Variants in PFKP observed in about 807,000 individuals in gnomAD.
The protein encoded by PFKP is phosphofructokinase, platelet.
In PFKP, 101 loss-of-function variants were observed where a neutral mutation model predicts 94.3. The observed-to-expected ratio is 1.07, with a 90% CI of 0.91 to 1.26. The LOEUF (loss-of-function observed/expected upper bound fraction) is 1.26, where lower values mean the gene tolerates loss of function less well. Among genes scored for constraint, PFKP ranks in the 50% most tolerant of loss-of-function variants. The pLI is 0.00. For synonymous variants in PFKP, 573 were observed against 432.6 expected (o/e 1.32, Z -4.03); for missense variants, 1,145 against 1,103.3 (o/e 1.04, Z -0.53).
chr10:3,110,983 C>T (rs186518635), intron 10 of PFKP, among the ~76,000 whole-genome samples: 5 of 149,406 alleles, frequency 3.3e-5, no homozygotes, highest in African/African-American at 9.9e-5. Context: ...TGTGTATATG[C>T]ATGTGTACAT....
At chr10:3,080,516 CAAAAAAAAA>C (rs869281524) in intron 1 of PFKP, among the ~76,000 whole-genome samples, 3 of 68,682 alleles carry the variant, frequency 4.4e-5, no homozygotes, top group East Asian at 8.9e-4. Flanking sequence ...GACTCCGTCT[CAAAAAAAAA>C]AAAAAAAAAA....
chr10:3,098,690 A>AAAAAAAAAAAT (rs1834705971), intron 2 of PFKP, among the ~76,000 whole-genome samples: 1 of 142,146 alleles, frequency 7.0e-6, no homozygotes. Flanking sequence ...AAAAAAAAAA[A>AAAAAAAAAAAT]GGTAATTGTC....
At chr10:3,070,680 C>T (rs1297314175) in intron 1 of PFKP, among the ~76,000 whole-genome samples, 1 of 152,156 alleles carries the variant, frequency 6.6e-6, no homozygotes, top group Non-Finnish European at 1.5e-5. Flanking sequence ...GCATGAGGTG[C>T]ATACGTGATT....
intron 2 of PFKP, among the ~76,000 whole-genome samples, chr10:3,087,520 A>G (rs1833696805): frequency 6.6e-6 from 1 of 152,220 alleles, no homozygotes; most frequent in South Asian, 2.1e-4. Flanking sequence ...AGATGTGGCC[A>G]AAATAAATCC....
rs865836104 is a variant in PFKP, at chr10:3,131,516, G to C, written c.1849-864G>C. On this transcript the variant is annotated intron_variant, in intron 17 of 21. Transcript: ENST00000381125. ...CTGTCACCCAGGCTGGAGTGTAGTG[G>C]CACAATCTCGGCTCACTGCAACTTC... 4.6e-5 allele frequency among the ~76,000 whole-genome samples: 7 copies of C among 152,222 alleles called. No homozygotes were observed. The South Asian group carries it at 6.2e-4, about 14-fold the overall frequency.
At chr10:3,113,654 A>ATGACTACTTATTAAAGGCAAG in intron 13 of PFKP, 136 bp downstream of exon 13, 1 of 677,660 alleles carries the variant, frequency 1.5e-6, no homozygotes, top group Non-Finnish European at 2.4e-6. Flanking sequence ...TTGTGACTGA[A>ATGACTACTTATTAAAGGCAAG]GCATTGCTTC....
chr10:3,102,651 C>T (rs150809616), intron 4 of PFKP, among the ~76,000 whole-genome samples: 7 of 152,258 alleles, frequency 4.6e-5, no homozygotes, highest in South Asian at 2.1e-4. Context: ...AGGCTGGTCT[C>T]GAACTCCTGA....
Position 3,135,886 on chromosome 10 carries a change from G to A in PFKP, c.2225+48G>A, listed in dbSNP as rs752179451. On this transcript the variant is annotated intron_variant, in intron 21 of 21. Transcript: ENST00000381125. ...GGCAATAAGACCCCAATGTGAGTAC[G>A]GGACAGGGGAATGGCCATTGCTGTT... 7.7e-5 allele frequency: 84 copies of A among 1,093,158 alleles called. No individual in the cohort carries two copies. In the Admixed American group the frequency reaches 9.4e-4, roughly 12 times the overall value. 67.7% of individuals were successfully genotyped at this position (1,093,158 alleles called of 1,614,324 possible).
At chr10:3,132,465 G>T in intron 18 of PFKP, 24 bp downstream of exon 18, 1 of 1,534,584 alleles carries the variant, frequency 6.5e-7, no homozygotes, top group Non-Finnish European at 9.0e-7. Context: ...ACCAGGGGCT[G>T]ATCTTACCCT....
chr10:3,133,071 G>A (rs1564358917), intron 18 of PFKP, 132 bp from the exon 19 acceptor site: 1 of 707,758 alleles, frequency 1.4e-6, no homozygotes, highest in Middle Eastern at 4.0e-4. Context: ...GAACTGGAGG[G>A]ACTGGTGTTG....
chr10:3,082,345 A>C, intron 1 of PFKP, 43 bp from the exon 2 acceptor site: 1 of 1,498,802 alleles, frequency 6.7e-7, no homozygotes, highest in Non-Finnish European at 9.2e-7. Context: ...AGCCAGAATT[A>C]CCCCGGGCTC....
chr10:3,102,102 T>C (rs889159791), intron 4 of PFKP, among the ~76,000 whole-genome samples: 4 of 150,086 alleles, frequency 2.7e-5, no homozygotes, highest in Admixed American at 6.6e-5. Context: ...ATACAAAAAA[T>C]TAGCCGGGCG....
intron 1 of PFKP, among the ~76,000 whole-genome samples, chr10:3,078,832 G>C (rs1298460031): frequency 6.6e-6 from 1 of 152,204 alleles, no homozygotes; most frequent in Admixed American, 6.5e-5. Context: ...GCCCCACCGA[G>C]TGCTGCCAGT....
rs1016051461 is a variant in PFKP at position 3,124,936 on chromosome 10, C to T, written c.1684-4883C>T. 7.9e-5 allele frequency among the ~76,000 whole-genome samples: 12 copies of T among 152,332 alleles called. No homozygotes were observed. The South Asian group carries it at 1.4e-3, about 18-fold the overall frequency. On this transcript the variant is annotated intron_variant, in intron 16 of 21. Transcript: ENST00000381125. ...GTGTTGCTGGGGCCTGTGCTGCTCTCGCACGGCCTCCAGAGCCTCCCTCGG... is the reference window on the plus strand; with the variant it reads ...GTGTTGCTGGGGCCTGTGCTGCTCTTGCACGGCCTCCAGAGCCTCCCTCGG...
chr10:3,103,188 G>T (rs1037618495), intron 4 of PFKP, among the ~76,000 whole-genome samples: 20 of 152,216 alleles, frequency 1.3e-4, no homozygotes, highest in African/African-American at 4.8e-4. Flanking sequence ...GAAGTACTGA[G>T]ATGTTTGTTT....
intron 14 of PFKP, among the ~76,000 whole-genome samples, chr10:3,117,727 C>T (rs1244572286): frequency 3.3e-5 from 5 of 152,144 alleles, no homozygotes. Context: ...GGTGTGCGTT[C>T]TGGGGCTGAG....
Position 3,110,958 on chromosome 10 carries a change from TAGTG to T in PFKP, c.1090-1263_1090-1260del, listed in dbSNP as rs544461189. On this transcript the variant is annotated intron_variant, in intron 10 of 21. Transcript: ENST00000381125. ...TTTGTGAGGTAGTGTGTGTGCATGTTAGTGTGTGTGCATGTGTGTATATGCATGT... is the reference window on the plus strand; with the variant it reads ...TTTGTGAGGTAGTGTGTGTGCATGTTTGTGTGCATGTGTGTATATGCATGT... 2.3e-3 allele frequency among the ~76,000 whole-genome samples: 349 copies of T among 150,302 alleles called. 1 individual carries two copies. The highest frequency in any genetic ancestry group is 0.021 in the Middle Eastern group (6 of 290).
At chr10:3,122,455 G>A (rs1459452183) in intron 16 of PFKP, among the ~76,000 whole-genome samples, 3 of 152,242 alleles carry the variant, frequency 2.0e-5, no homozygotes, top group African/African-American at 7.2e-5. Context: ...CCAGAGCCCT[G>A]TTTACTGACG....
chr10:3,114,142 A>G (rs1319051697), intron 13 of PFKP, among the ~76,000 whole-genome samples: 1 of 132,888 alleles, frequency 7.5e-6, no homozygotes, highest in East Asian at 2.3e-4. Context: ...ACAAATACCT[A>G]CTTTGTGAAA....
Sources: allele counts gnomAD v4.1 joint callset (sites outside exome capture counted in the v4.1 genomes callset), GRCh38; gene constraint gnomAD v4.1.1; transcripts MANE v1.5; gene names NCBI Gene and HGNC (gene_info 2026-07-23, HGNC 2026-07-21).